Variants in LARGE1 observed in about 807,000 individuals in gnomAD.
LARGE1 encodes the protein LARGE xylosyl- and glucuronyltransferase 1.
A neutral mutation model predicts 87.6 loss-of-function variants in LARGE1; 43 were observed. The observed-to-expected ratio is 0.49, with a 90% CI of 0.38 to 0.63. The LOEUF (loss-of-function observed/expected upper bound fraction) is 0.63. LARGE1 is among the 30% of genes least tolerant of loss of function. LARGE1 has a pLI of 0.00. For missense variants in LARGE1, 802 were observed against 1,000.2 expected (o/e 0.80, Z 2.67); for synonymous variants, 434 against 394.6 (o/e 1.10, Z -1.18).
At chr22:33,369,468 C>T (rs891354828) in intron 9 of LARGE1, among the ~76,000 whole-genome samples, 1 of 146,328 alleles carries the variant, frequency 6.8e-6, no homozygotes, top group African/African-American at 2.7e-5. Context: ...GTTTTTTTTT[C>T]CCCAAATTAA....
At chr22:33,243,625 C>T (rs572951215) in intron 11 of LARGE1, among the ~76,000 whole-genome samples, 1 of 152,322 alleles carries the variant, frequency 6.6e-6, no homozygotes, top group East Asian at 1.9e-4. Flanking sequence ...AATATACCAA[C>T]ATTTCTCTAT....
chr22:33,355,616 G>A (rs1940817139), intron 9 of LARGE1, among the ~76,000 whole-genome samples: 1 of 151,826 alleles, frequency 6.6e-6, no homozygotes, highest in African/African-American at 2.4e-5. Context: ...TCAATTTATG[G>A]TCTTTTCCAG....
chr22:33,519,935 C>T (rs1290063272), intron 6 of LARGE1, among the ~76,000 whole-genome samples: 2 of 151,454 alleles, frequency 1.3e-5, no homozygotes, highest in Non-Finnish European at 2.9e-5. Context: ...AGTTTGTACT[C>T]CCTGGCTTCC....
chr22:33,181,482 A>C (rs1923156475), intron 11 of LARGE1, among the ~76,000 whole-genome samples: 1 of 151,766 alleles, frequency 6.6e-6, no homozygotes, highest in South Asian at 2.1e-4. Context: ...TATTTTTTGA[A>C]CTCAGACATT....
At chr22:33,515,030 A>G (rs1404442906) in intron 6 of LARGE1, among the ~76,000 whole-genome samples, 3 of 152,178 alleles carry the variant, frequency 2.0e-5, no homozygotes, top group African/African-American at 7.2e-5. Context: ...GAAAATAAAA[A>G]CAAATTGATA....
the LARGE1 span, among the ~76,000 whole-genome samples, chr22:33,112,601 G>A: frequency 6.6e-6 from 1 of 152,298 alleles, no homozygotes; most frequent in Non-Finnish European, 1.5e-5. Context: ...CTGAAATCTT[G>A]TTTAAAAGGT....
At chr22:33,194,920 C>T (rs558331927) in intron 11 of LARGE1, among the ~76,000 whole-genome samples, 1 of 152,294 alleles carries the variant, frequency 6.6e-6, no homozygotes, top group East Asian at 1.9e-4. Context: ...ATCTGCTATT[C>T]CCCAAATCTC....
chr22:33,921,794 G>A (rs935795394), upstream of LARGE1, among the ~76,000 whole-genome samples: 3 of 152,094 alleles, frequency 2.0e-5, no homozygotes, highest in Non-Finnish European at 4.4e-5. The surrounding 1 kb of genome is among the most constrained non-coding windows in gnomAD (Gnocchi z 4.1). Flanking sequence ...CAGTTCTAGG[G>A]ACCAGGGTGG....
chr22:33,537,102 C>A (rs1002946968), intron 6 of LARGE1, among the ~76,000 whole-genome samples: 3 of 152,194 alleles, frequency 2.0e-5, no homozygotes, highest in Admixed American at 1.3e-4. Flanking sequence ...TGAGCCACCG[C>A]GCCCAGTGAA....
chr22:33,402,545 C>T (rs534890764), intron 7 of LARGE1, among the ~76,000 whole-genome samples: 8 of 152,264 alleles, frequency 5.3e-5, no homozygotes, highest in South Asian at 4.1e-4. Context: ...CCACACAGCA[C>T]GCATGACCTT....
At chr22:33,625,921 G>A (rs1309105801) in intron 4 of LARGE1, among the ~76,000 whole-genome samples, 1 of 152,174 alleles carries the variant, frequency 6.6e-6, no homozygotes, top group Admixed American at 6.5e-5. Flanking sequence ...ACAACCTACC[G>A]ACAAGGATGT....
At chr22:33,618,024 TA>T (rs1477363667) in intron 4 of LARGE1, among the ~76,000 whole-genome samples, 1 of 152,230 alleles carries the variant, frequency 6.6e-6, no homozygotes, top group African/African-American at 2.4e-5. Context: ...TGAGCTGAAA[TA>T]ATCTTTAATT....
downstream of LARGE1, among the ~76,000 whole-genome samples, chr22:33,268,197 G>A (rs903701782): frequency 4.0e-5 from 6 of 151,060 alleles, no homozygotes; most frequent in South Asian, 2.1e-4. Flanking sequence ...CAAGTGATTC[G>A]CCTGCCTCAG....
chr22:33,547,800 A>AT (rs2077404824), intron 6 of LARGE1, among the ~76,000 whole-genome samples: 1 of 148,346 alleles, frequency 6.7e-6, no homozygotes, highest in Non-Finnish European at 1.5e-5. Flanking sequence ...TCTCAAAAAA[A>AT]AAAAAAAAAA....
chr22:33,543,268 C>T (rs775156981), intron 6 of LARGE1, among the ~76,000 whole-genome samples: 1 of 151,150 alleles, frequency 6.6e-6, no homozygotes, highest in African/African-American at 2.4e-5. Flanking sequence ...TTAATAAGAG[C>T]GGTGGCCAAT....
chr22:33,418,901 T>C (rs1041568712), intron 7 of LARGE1, among the ~76,000 whole-genome samples: 10 of 152,102 alleles, frequency 6.6e-5, no homozygotes, highest in African/African-American at 2.4e-4. Context: ...AGTGTGTTAG[T>C]ACGAGTCAGA....
intron 6 of LARGE1, among the ~76,000 whole-genome samples, chr22:33,506,238 A>G (rs1229397745): frequency 6.6e-6 from 1 of 152,100 alleles, no homozygotes; most frequent in Non-Finnish European, 1.5e-5. Context: ...AGAAAGATAC[A>G]TTCTTCTCAT....
At chr22:33,407,806 C>T (rs536591384) in intron 7 of LARGE1, among the ~76,000 whole-genome samples, 3 of 152,102 alleles carry the variant, frequency 2.0e-5, no homozygotes, top group African/African-American at 7.2e-5. Context: ...GAAAAGGACT[C>T]TGTTGCAACT....
intron 11 of LARGE1, among the ~76,000 whole-genome samples, chr22:33,259,999 C>T (rs149404890): frequency 1.3e-3 from 204 of 152,316 alleles, no homozygotes; most frequent in African/African-American, 4.8e-3. Context: ...CTCCCATTAT[C>T]GAGCAGTTTC....
Sources: allele counts gnomAD v4.1 joint callset (sites outside exome capture counted in the v4.1 genomes callset), GRCh38; gene constraint gnomAD v4.1.1; non-coding constraint Gnocchi (gnomAD v3.1); transcripts MANE v1.5; gene names NCBI Gene and HGNC (gene_info 2026-07-23, HGNC 2026-07-21).